Variants in CDH4 observed in about 807,000 individuals in gnomAD.
CDH4 encodes cadherin-4.
In CDH4, 33 loss-of-function variants were observed where a neutral mutation model predicts 86.0. The observed-to-expected ratio is 0.38, with a 90% CI of 0.29 to 0.51. The LOEUF (loss-of-function observed/expected upper bound fraction) is 0.51, where lower values mean the gene tolerates loss of function less well. Among genes scored for constraint, CDH4 ranks in the 20% least tolerant of loss-of-function variants. The pLI is 0.86. For missense variants in CDH4, 1,114 were observed against 1,307.4 expected (o/e 0.85, Z 2.28); for synonymous variants, 555 against 549.4 (o/e 1.01, Z -0.14).
chr20:61,442,717 G>A (rs1444345040), intron 2 of CDH4, among the ~76,000 whole-genome samples: 1 of 152,222 alleles, frequency 6.6e-6, no homozygotes, highest in Non-Finnish European at 1.5e-5. Flanking sequence ...AGGCTCCCGG[G>A]ATGCACTGAA....
Position 61,544,554 on chromosome 20 carries a change from C to T in CDH4, c.170-199009C>T, listed in dbSNP as rs528653812. The stretch of plus-strand genomic sequence containing the variant: ...TGCAATGGCAGCCGCCAAGCAGAGA[C>T]GGTGACGGGATCCCTGCGTTGACGG... On this transcript the variant is annotated intron_variant, in intron 2 of 15. Transcript: ENST00000614565. This position sits in a 1 kb window ranked among gnomAD's most constrained non-coding sequence, Gnocchi z 6.5. Among the ~76,000 whole-genome samples the T allele has an allele frequency of 1.6e-4, 25 of 151,788 alleles. 1 individual carries two copies. The South Asian group carries it at 2.3e-3, about 14-fold the overall frequency.
At chr20:61,587,601 G>A (rs747967409) in intron 2 of CDH4, among the ~76,000 whole-genome samples, 2 of 151,868 alleles carry the variant, frequency 1.3e-5, no homozygotes, top group Admixed American at 6.6e-5. Flanking sequence ...TTTTGACTCC[G>A]CTCCTTCCCC....
chr20:61,343,631 C>T (rs1268960735), intron 2 of CDH4, among the ~76,000 whole-genome samples: 4 of 152,144 alleles, frequency 2.6e-5, no homozygotes, highest in African/African-American at 9.7e-5. Context: ...ACAAATGACC[C>T]CAGGGTCTCA....
At chr20:61,302,329 T>C (rs930479772) in intron 2 of CDH4, among the ~76,000 whole-genome samples, 4 of 152,260 alleles carry the variant, frequency 2.6e-5, no homozygotes, top group Non-Finnish European at 5.9e-5. Context: ...GTGTTTGCTG[T>C]CTGCCAATTC....
chr20:61,612,887 C>T (rs1362860553), intron 2 of CDH4, among the ~76,000 whole-genome samples: 1 of 152,050 alleles, frequency 6.6e-6, no homozygotes, highest in Non-Finnish European at 1.5e-5. Flanking sequence ...GGTCTTTGGC[C>T]GTTTCTCTGC....
At chr20:61,493,144 G>C (rs887581689) in intron 2 of CDH4, among the ~76,000 whole-genome samples, 3 of 152,176 alleles carry the variant, frequency 2.0e-5, no homozygotes, top group Non-Finnish European at 4.4e-5. Flanking sequence ...TGACCAAAGT[G>C]GACTTTTCTA....
At position 61,383,506 on chromosome 20, in the gene CDH4, GATATATATGA is replaced by G. The variant is rs1335898799; in HGVS notation, c.169+128574_169+128583del. On this transcript the variant is annotated intron_variant, in intron 2 of 15. Coordinates refer to ENST00000614565, the MANE Select transcript of CDH4 (RefSeq NM_001794.5). ...GATATATATGAAATATATTATATAT[GATATATATGA>G]ATATGTATGAATATATATGAATATA... Among the ~76,000 whole-genome samples the G allele has an allele frequency of 2.2e-4, 14 of 63,524 alleles. 1 individual carries two copies. The highest frequency in any genetic ancestry group is 1.0e-3 in the African/African-American group (13 of 12,826). The allele number at this position is 63,524 out of a possible 152,430, so 41.7% of individuals were successfully genotyped here. A position where few individuals can be genotyped will look rare whatever the true frequency, so the allele number is the denominator to read the frequency against.
At chr20:61,533,450 C>T (rs2085971227) in intron 2 of CDH4, among the ~76,000 whole-genome samples, 1 of 152,214 alleles carries the variant, frequency 6.6e-6, no homozygotes, top group South Asian at 2.1e-4. Context: ...CTCGTCTCTC[C>T]ATCCCTTGTC....
chr20:61,662,870 G>A (rs2087275906), intron 2 of CDH4, among the ~76,000 whole-genome samples: 2 of 150,260 alleles, frequency 1.3e-5, no homozygotes, highest in South Asian at 4.2e-4. Flanking sequence ...ACAGGGTAGA[G>A]CCGGTGGTGC....
chr20:61,523,385 G>A (rs937215041), intron 2 of CDH4, among the ~76,000 whole-genome samples: 4 of 152,238 alleles, frequency 2.6e-5, no homozygotes, highest in Non-Finnish European at 5.9e-5. Flanking sequence ...TGATTGCGTG[G>A]CATGGCGTGC....
chr20:61,507,094 C>T (rs977414314), intron 2 of CDH4, among the ~76,000 whole-genome samples: 7 of 152,310 alleles, frequency 4.6e-5, no homozygotes, highest in South Asian at 2.1e-4. Flanking sequence ...GAGTTTGCAA[C>T]ATGTGTGAGA....
At chr20:61,841,700 G>C (rs1810086366) in intron 4 of CDH4, among the ~76,000 whole-genome samples, 1 of 151,982 alleles carries the variant, frequency 6.6e-6, no homozygotes, top group African/African-American at 2.4e-5. Flanking sequence ...GTGCATTGCG[G>C]GGGGGAACAA....
At chr20:61,409,306 C>T (rs1346084609) in intron 2 of CDH4, among the ~76,000 whole-genome samples, 9 of 152,244 alleles carry the variant, frequency 5.9e-5, no homozygotes, top group Admixed American at 5.9e-4. Flanking sequence ...ATCCCTGGAA[C>T]ACTCTTTAAA....
chr20:61,347,504 A>C (rs1201830752), intron 2 of CDH4, among the ~76,000 whole-genome samples: 1 of 152,260 alleles, frequency 6.6e-6, no homozygotes, highest in Non-Finnish European at 1.5e-5. Flanking sequence ...TGCGGTGACT[A>C]AATATAAATA....
intron 2 of CDH4, among the ~76,000 whole-genome samples, chr20:61,626,519 G>A (rs529094668): frequency 6.6e-6 from 1 of 152,294 alleles, no homozygotes; most frequent in Non-Finnish European, 1.5e-5. Context: ...AGAAGGGGTT[G>A]GAGAGGATGG....
intron 2 of CDH4, among the ~76,000 whole-genome samples, chr20:61,735,996 G>C (rs944100965): frequency 6.6e-6 from 1 of 152,128 alleles, no homozygotes; most frequent in East Asian, 1.9e-4. Context: ...GGCCCTAAAG[G>C]GGGTGTCTGG....
chr20:61,478,863 C>G (rs2085553836), intron 2 of CDH4, among the ~76,000 whole-genome samples: 1 of 152,242 alleles, frequency 6.6e-6, no homozygotes, highest in South Asian at 2.1e-4. Context: ...CACCCTCTGC[C>G]TGGGGGCATC....
At chr20:61,843,003 G>C (rs777280985) in intron 4 of CDH4, among the ~76,000 whole-genome samples, 1 of 152,184 alleles carries the variant, frequency 6.6e-6, no homozygotes, top group African/African-American at 2.4e-5. Context: ...TGGTTATTTC[G>C]CAGTGTCATT....
chr20:61,342,611 C>T (rs549785272), intron 2 of CDH4, among the ~76,000 whole-genome samples: 92 of 152,326 alleles, frequency 6.0e-4, no homozygotes, highest in Admixed American at 1.3e-3. Flanking sequence ...TGCTCACCTG[C>T]GATGCAGCCC....
Sources: allele counts gnomAD v4.1 joint callset (sites outside exome capture counted in the v4.1 genomes callset), GRCh38; gene constraint gnomAD v4.1.1; non-coding constraint Gnocchi (gnomAD v3.1); transcripts MANE v1.5; gene names NCBI Gene and HGNC (gene_info 2026-07-23, HGNC 2026-07-21).